The following MACF1 variants were observed in gnomAD, a reference collection of about 807,000 sequenced individuals.
MACF1 encodes the protein microtubule-actin cross-linking factor 1.
A neutral mutation model predicts 854.8 loss-of-function variants in MACF1; 193 were observed. The ratio of observed to expected loss-of-function variants is 0.23; its 90% CI spans 0.20 to 0.25. The LOEUF (loss-of-function observed/expected upper bound fraction) is 0.25. Ranked by LOEUF, MACF1 falls within the 10% of genes least tolerant of loss-of-function variation. The probability of loss-of-function intolerance (pLI) is 1.00; values close to 1 mark genes in which losing one functional copy is unlikely to be tolerated. For missense variants in MACF1, 7,722 were observed against 8,929.1 expected (o/e 0.86, Z 5.45); for synonymous variants, 3,185 against 3,226.7 (o/e 0.99, Z 0.44).
Position 39,358,311 on chromosome 1 carries a change from G to A in MACF1, c.11944-386G>A, listed in dbSNP as rs187831235. Among the ~76,000 whole-genome samples, 7 of 152,208 alleles carry A rather than the reference G, an allele frequency of 4.6e-5. No homozygotes were observed. The East Asian group carries it at 7.7e-4, about 17-fold the overall frequency. On this transcript the variant is annotated intron_variant, in intron 45 of 100. Transcript: ENST00000564288. ...TCCTTCCTATCTAAAGAACTTGCTC[G>A]CTCTTCTAAAGTTTAGAATCCAGTC...
At chr1:39,261,809 A>G (rs1181950520) in intron 6 of MACF1, among the ~76,000 whole-genome samples, 1 of 152,192 alleles carries the variant, frequency 6.6e-6, no homozygotes, top group Non-Finnish European at 1.5e-5. Context: ...TTGTGTATAC[A>G]TGTATATACC....
At chr1:39,365,008 T>C (rs1215143811) in intron 49 of MACF1, among the ~76,000 whole-genome samples, 1 of 152,228 alleles carries the variant, frequency 6.6e-6, no homozygotes, top group Non-Finnish European at 1.5e-5. Flanking sequence ...TTTTCTGTTA[T>C]GTCTATCTAG....
chr1:39,114,161 T>C (rs184609501), intron 2 of MACF1, among the ~76,000 whole-genome samples: 1 of 146,340 alleles, frequency 6.8e-6, no homozygotes, highest in East Asian at 2.0e-4. Context: ...GCATATTGTC[T>C]AAAGCTCTGT....
intron 6 of MACF1, among the ~76,000 whole-genome samples, chr1:39,271,012 G>A (rs1645308071): frequency 6.6e-6 from 1 of 152,166 alleles, no homozygotes; most frequent in African/African-American, 2.4e-5. Context: ...ATGGGCAAGA[G>A]GTTTCTTGGG....
At chr1:39,452,515 A>G in intron 86 of MACF1, 165 bp downstream of exon 86, 1 of 1,135,780 alleles carries the variant, frequency 8.8e-7, no homozygotes, top group African/African-American at 1.6e-5. Flanking sequence ...TTGAGAAATA[A>G]TGAATTCAGT....
intron 61 of MACF1, among the ~76,000 whole-genome samples, chr1:39,426,551 C>T (rs1001176808): frequency 2.0e-5 from 3 of 152,204 alleles, no homozygotes; most frequent in Non-Finnish European, 2.9e-5. Flanking sequence ...GTCAGGCTAT[C>T]TCCAATATCC....
At chr1:39,408,890 C>G (rs1195295329) in intron 58 of MACF1, among the ~76,000 whole-genome samples, 2 of 151,982 alleles carry the variant, frequency 1.3e-5, no homozygotes, top group East Asian at 1.9e-4. Context: ...ATCCTCTCCA[C>G]CGCTCCCTCC....
chr1:39,387,263 C>A lies in MACF1; in HGVS notation c.14421C>A (p.Thr4807=). ...AGCAAATGTTTGATGAGTTGAGGACCTGGTTGGATGATAAACAAAGCCAGC... is the reference window on the plus strand; with the variant it reads ...AGCAAATGTTTGATGAGTTGAGGACATGGTTGGATGATAAACAAAGCCAGC... The part of the protein sequence containing the change: ...QFQQMFDELR[T]WLDDKQSQQA... The change falls in exon 58 of 101, where the codon ACC becomes ACA. Residue 4807 remains threonine (T), a synonymous_variant. Coordinates refer to ENST00000564288, the MANE Select transcript of MACF1 (RefSeq NM_001394062.1). 6.2e-7 allele frequency: 1 copy of A among 1,614,198 alleles called. No homozygotes were observed. Among genetic ancestry groups the A allele is most frequent in the Non-Finnish European group, 8.5e-7 (1 of 1,180,044 alleles).
At chr1:39,086,489 TTAC>T (rs955518722) in intron 2 of MACF1, among the ~76,000 whole-genome samples, 1 of 152,164 alleles carries the variant, frequency 6.6e-6, no homozygotes, top group Admixed American at 6.5e-5. Flanking sequence ...AGGAAGGGGT[TTAC>T]TTGTCCCCAG....
At chr1:39,312,707 C>G (rs1027575143) in intron 26 of MACF1, among the ~76,000 whole-genome samples, 2 of 152,112 alleles carry the variant, frequency 1.3e-5, no homozygotes, top group African/African-American at 4.8e-5. Flanking sequence ...TGCCTGTAAT[C>G]CCAGCTATTC....
chr1:39,293,290 T>C (rs1235578682), intron 17 of MACF1, among the ~76,000 whole-genome samples, 168 bp from the exon 18 acceptor site: 1 of 152,178 alleles, frequency 6.6e-6, no homozygotes, highest in Non-Finnish European at 1.5e-5. Flanking sequence ...TGAAAAGAGT[T>C]CTGGGAGTCT....
intron 1 of MACF1, among the ~76,000 whole-genome samples, chr1:39,218,655 T>C (rs1053425288): frequency 1.3e-5 from 2 of 152,226 alleles, no homozygotes; most frequent in Non-Finnish European, 2.9e-5. Flanking sequence ...CTCTCTTCTT[T>C]TGTTACCGTG....
intron 56 of MACF1, among the ~76,000 whole-genome samples, chr1:39,383,824 C>T (rs1388489029): frequency 6.6e-6 from 1 of 152,002 alleles, no homozygotes; most frequent in Non-Finnish European, 1.5e-5. Flanking sequence ...TGACAGTGAG[C>T]CGAGATCGCA....
At chr1:39,298,678 G>A (rs1418740794) in intron 21 of MACF1, 2 of 427,496 alleles carry the variant, frequency 4.7e-6, no homozygotes, top group Non-Finnish European at 9.2e-6. Context: ...GTAAACCTAT[G>A]AGTGGTTTTA....
At chr1:39,429,722 G>C (rs1168038553) in intron 64 of MACF1, 105 bp from the exon 65 acceptor site, 3 of 1,093,684 alleles carry the variant, frequency 2.7e-6, no homozygotes, top group Non-Finnish European at 4.1e-6. Context: ...CACAGAGAGA[G>C]AGAGAGCGTC....
chr1:39,139,339 C>G (rs1157863741), intron 2 of MACF1, among the ~76,000 whole-genome samples: 1 of 151,436 alleles, frequency 6.6e-6, no homozygotes, highest in African/African-American at 2.4e-5. Context: ...TCGCTGCAAC[C>G]TCTGCCTTCC....
chr1:39,454,008 G>A (rs1644387286), intron 88 of MACF1, among the ~76,000 whole-genome samples, 158 bp downstream of exon 88: 1 of 152,212 alleles, frequency 6.6e-6, no homozygotes, highest in Non-Finnish European at 1.5e-5. Flanking sequence ...TCTTGGTAAT[G>A]TGTGGCAACC....
intron 58 of MACF1, among the ~76,000 whole-genome samples, chr1:39,400,868 A>C: frequency 6.6e-6 from 1 of 152,174 alleles, no homozygotes; most frequent in African/African-American, 2.4e-5. Flanking sequence ...ATCATTCTCC[A>C]GAAGACTTGA....
rs141064658 is a variant in MACF1, at chr1:39,217,301, G to A, written c.109+12170G>A. ...TATTTTATTTTATTTTAGAGACGGAGTCTTACTCTGTTGCTCAGGCTGGAG... is the reference window on the plus strand; with the variant it reads ...TATTTTATTTTATTTTAGAGACGGAATCTTACTCTGTTGCTCAGGCTGGAG... On this transcript the variant is annotated intron_variant, in intron 1 of 100. Transcript: ENST00000564288. Among the ~76,000 whole-genome samples the A allele has an allele frequency of 7.4e-3, 1,062 of 143,792 alleles. 10 individuals carry two copies. The highest frequency in any genetic ancestry group is 0.027 in the African/African-American group (1,025 of 38,606). The allele number at this position is 143,792 out of a possible 152,430, so 94.3% of individuals were successfully genotyped here.
Sources: allele counts gnomAD v4.1 joint callset (sites outside exome capture counted in the v4.1 genomes callset), GRCh38; gene constraint gnomAD v4.1.1; transcripts MANE v1.5; gene names NCBI Gene and HGNC (gene_info 2026-07-23, HGNC 2026-07-21).